Variants in GALNTL6 observed in about 807,000 individuals in gnomAD.
GALNTL6 encodes polypeptide N-acetylgalactosaminyltransferase like 6.
GALNTL6 carries 46 observed loss-of-function variants against 73.7 expected under a neutral mutation model. The ratio of observed to expected loss-of-function variants is 0.62; its 90% confidence interval spans 0.49 to 0.80. The LOEUF (loss-of-function observed/expected upper bound fraction) is 0.80, where lower values mean the gene tolerates loss of function less well. GALNTL6 is among the 30% of genes least tolerant of loss of function. The pLI, the probability that GALNTL6 is intolerant of heterozygous loss-of-function variation, is 0.00. For missense variants in GALNTL6, 604 were observed against 755.0 expected (o/e 0.80, Z 2.34); for synonymous variants, 259 against 263.7 (o/e 0.98, Z 0.17).
intron 5 of GALNTL6, among the ~76,000 whole-genome samples, chr4:172,788,168 A>G (rs894900018): frequency 1.3e-5 from 2 of 148,464 alleles, no homozygotes; most frequent in South Asian, 4.5e-4. Context: ...CAACACAGTG[A>G]GACCCTGTCT....
intron 2 of GALNTL6, among the ~76,000 whole-genome samples, chr4:172,227,103 A>G (rs1230779099): frequency 1.3e-5 from 2 of 152,118 alleles, no homozygotes; most frequent in Non-Finnish European, 2.9e-5. Context: ...TCGTGAAAAT[A>G]GTGATATGAA....
chr4:172,623,878 C>T (rs1174906233), intron 5 of GALNTL6, among the ~76,000 whole-genome samples: 1 of 152,022 alleles, frequency 6.6e-6, no homozygotes, highest in African/African-American at 2.4e-5. Flanking sequence ...TTTTGCTTTA[C>T]CATTATGTCT....
intron 2 of GALNTL6, among the ~76,000 whole-genome samples, chr4:172,004,484 T>A (rs1321527938): frequency 6.6e-6 from 1 of 152,090 alleles, no homozygotes; most frequent in Non-Finnish European, 1.5e-5. Flanking sequence ...TCTATCACCA[T>A]CTACTTTAGA....
intron 2 of GALNTL6, among the ~76,000 whole-genome samples, chr4:172,217,675 A>G (rs1736538156): frequency 6.6e-6 from 1 of 152,042 alleles, no homozygotes; most frequent in African/African-American, 2.4e-5. Context: ...AGCTATGTCT[A>G]CTTCCTTCAT....
Position 171,969,052 on chromosome 4 carries a change from G to C in GALNTL6, c.138+154334G>C, listed in dbSNP as rs1187802428. Among the ~76,000 whole-genome samples, 35 of 152,022 alleles carry C rather than the reference G, an allele frequency of 2.3e-4. 1 individual carries two copies. The highest frequency in any genetic ancestry group is 2.3e-3 in the Admixed American group (35 of 15,266). ...GGGTTTCACCATGTTGGTCAGGCTGGTCTCGAACTCCTGACCTCGTGATCT... is the reference window on the plus strand; with the variant it reads ...GGGTTTCACCATGTTGGTCAGGCTGCTCTCGAACTCCTGACCTCGTGATCT... On this transcript the variant is annotated intron_variant, in intron 2 of 12. Transcript: ENST00000506823.
intron 9 of GALNTL6, among the ~76,000 whole-genome samples, chr4:172,948,674 T>A (rs1749294742): frequency 2.0e-5 from 3 of 151,374 alleles, no homozygotes; most frequent in Admixed American, 2.0e-4. Flanking sequence ...TTCACCATGT[T>A]GGCCAGGCCT....
intron 8 of GALNTL6, among the ~76,000 whole-genome samples, chr4:172,915,724 A>C (rs989283024): frequency 3.3e-5 from 5 of 152,252 alleles, no homozygotes; most frequent in African/African-American, 4.8e-5. Flanking sequence ...TGAACAGTCC[A>C]ATAACAAGGT....
intron 2 of GALNTL6, among the ~76,000 whole-genome samples, chr4:172,195,520 G>A (rs1735734271): frequency 6.6e-6 from 1 of 151,978 alleles, no homozygotes; most frequent in South Asian, 2.1e-4. Context: ...TCTAAAATTG[G>A]CCACATAACT....
intron 5 of GALNTL6, among the ~76,000 whole-genome samples, chr4:172,626,765 G>T (rs934921628): frequency 6.6e-6 from 1 of 152,002 alleles, no homozygotes; most frequent in Admixed American, 6.6e-5. Context: ...ATTGTAAATG[G>T]CATTGCATTC....
intron 7 of GALNTL6, among the ~76,000 whole-genome samples, chr4:172,865,593 A>T (rs1744621318): frequency 6.6e-6 from 1 of 152,262 alleles, no homozygotes; most frequent in Non-Finnish European, 1.5e-5. Flanking sequence ...TTATGTACCA[A>T]TTTAGCTTTG....
At chr4:172,790,282 T>A (rs1243482612) in intron 5 of GALNTL6, among the ~76,000 whole-genome samples, 1 of 152,216 alleles carries the variant, frequency 6.6e-6, no homozygotes, top group African/African-American at 2.4e-5. Flanking sequence ...CAAAGTCATA[T>A]GCTGAAGGCC....
intron 5 of GALNTL6, among the ~76,000 whole-genome samples, chr4:172,413,020 A>C (rs766580054): frequency 1.6e-4 from 24 of 152,306 alleles, no homozygotes; most frequent in East Asian, 3.9e-4. Context: ...TTCATCAAGA[A>C]AGAAACATTT....
chr4:171,861,235 C>T (rs1275888430), intron 2 of GALNTL6, among the ~76,000 whole-genome samples: 2 of 152,186 alleles, frequency 1.3e-5, no homozygotes, highest in Admixed American at 6.5e-5. Flanking sequence ...TGTTCCTTTC[C>T]TCAAGGATCA....
intron 5 of GALNTL6, among the ~76,000 whole-genome samples, chr4:172,634,083 A>T (rs80291412): frequency 6.6e-6 from 1 of 152,182 alleles, no homozygotes; most frequent in Non-Finnish European, 1.5e-5. Context: ...CCCCAGTATG[A>T]CTAACCACCA....
intron 4 of GALNTL6, among the ~76,000 whole-genome samples, chr4:172,345,728 G>T (rs1158996981): frequency 6.6e-6 from 1 of 152,130 alleles, no homozygotes; most frequent in Non-Finnish European, 1.5e-5. Flanking sequence ...ACAAAAATTT[G>T]ACTATAATAG....
At position 172,906,244 on chromosome 4, in the gene GALNTL6, A is replaced by AC. The variant is rs541393152; in HGVS notation, c.1041+23337_1041+23338insC. On this transcript the variant is annotated intron_variant, in intron 8 of 12. Coordinates refer to ENST00000506823, the MANE Select transcript of GALNTL6 (RefSeq NM_001034845.3). ...AATGGTTAAGTGGCCATTAAAAAAA[A>AC]ACACACACAAATACCCAAAAATGAT... Among the ~76,000 whole-genome samples, 116 of 152,318 alleles carry AC rather than the reference A, an allele frequency of 7.6e-4. 1 individual carries two copies. Among genetic ancestry groups the AC allele is most frequent in the Non-Finnish European group, 8.8e-4 (60 of 68,026 alleles).
intron 2 of GALNTL6, among the ~76,000 whole-genome samples, chr4:172,229,026 GT>G (rs1207329575): frequency 2.6e-5 from 4 of 152,178 alleles, no homozygotes; most frequent in African/African-American, 4.8e-5. Flanking sequence ...TAAGAGCACA[GT>G]TTTGGTCTTA....
chr4:172,364,943 T>C (rs1450198051), intron 5 of GALNTL6, among the ~76,000 whole-genome samples: 1 of 152,202 alleles, frequency 6.6e-6, no homozygotes, highest in Non-Finnish European at 1.5e-5. Flanking sequence ...CCATGTAGAC[T>C]ATAAGTTCCA....
intron 5 of GALNTL6, among the ~76,000 whole-genome samples, chr4:172,645,778 T>G (rs1484408059): frequency 6.6e-6 from 1 of 152,036 alleles, no homozygotes; most frequent in Admixed American, 6.6e-5. Context: ...TGGATAGTCA[T>G]GAAGATGTAT....
Sources: allele counts gnomAD v4.1 joint callset (sites outside exome capture counted in the v4.1 genomes callset), GRCh38; gene constraint gnomAD v4.1.1; transcripts MANE v1.5; gene names NCBI Gene and HGNC (gene_info 2026-07-23, HGNC 2026-07-21).